Variants in DNAAF5 observed in about 807,000 individuals in gnomAD.
DNAAF5 encodes the protein HEAT repeat containing 2.
In DNAAF5, 64 loss-of-function variants were observed where a neutral mutation model predicts 75.8. The observed-to-expected ratio is 0.84, with a 90% CI of 0.69 to 1.04. The LOEUF (loss-of-function observed/expected upper bound fraction) is 1.04. DNAAF5 is among the 50% of genes least tolerant of loss of function. The probability of loss-of-function intolerance (pLI) is 0.00; values close to 1 mark genes in which losing one functional copy is unlikely to be tolerated. For synonymous variants in DNAAF5, 657 were observed against 557.2 expected (o/e 1.18, Z -2.52); for missense variants, 1,269 against 1,178.5 (o/e 1.08, Z -1.12).
chr7:736,247 C>A (rs963520664), intron 2 of DNAAF5, among the ~76,000 whole-genome samples: 1 of 152,142 alleles, frequency 6.6e-6, no homozygotes, highest in Non-Finnish European at 1.5e-5. Flanking sequence ...CAGATTAAGT[C>A]TGATGTTTCT....
intron 9 of DNAAF5, chr7:772,229 T>C (rs1250476646): frequency 6.6e-6 from 1 of 152,300 alleles, no homozygotes; most frequent in Non-Finnish European, 1.5e-5. Flanking sequence ...TTTCTGTGTC[T>C]TACCTGGGAC....
chr7:732,250 C>G (rs1781609180), intron 2 of DNAAF5, among the ~76,000 whole-genome samples: 1 of 152,226 alleles, frequency 6.6e-6, no homozygotes, highest in Non-Finnish European at 1.5e-5. Context: ...ATGCATCTCC[C>G]CACGCTCACA....
rs142683049 is a variant in DNAAF5, at chr7:748,525, C to T, written c.1025-6064C>T. ...TTCCGTGCTCTGGATGCAGGTCCCT[C>T]ATCAGACTGTTTTAGGCTCCACAGC... On this transcript the variant is annotated intron_variant, in intron 4 of 12. Transcript: ENST00000297440. Among the ~76,000 whole-genome samples the T allele has an allele frequency of 2.7e-3, 418 of 152,284 alleles. 4 individuals are homozygous for T. The highest frequency in any genetic ancestry group is 9.3e-3 in the African/African-American group (387 of 41,562).
intron 7 of DNAAF5, among the ~76,000 whole-genome samples, chr7:763,390 C>T (rs1191959798): frequency 6.6e-6 from 1 of 152,186 alleles, no homozygotes; most frequent in Non-Finnish European, 1.5e-5. Context: ...TCTCTGTCTG[C>T]CCAGTTACTT....
Position 754,617 on chromosome 7 carries a change from G to A in DNAAF5, c.1053G>A (p.Glu351=). The change falls in exon 5 of 13, where the codon GAG becomes GAA. Residue 351 remains glutamate, a synonymous_variant. Coordinates refer to ENST00000297440, the MANE Select transcript of DNAAF5 (RefSeq NM_017802.4). This position sits in a 1 kb window ranked among gnomAD's most constrained non-coding sequence, Gnocchi z 4.8. ...GCCGCCCTGTGCTGGGCTGCCGGGA[G>A]CTCGTCTTCAGGAACCTCTCCAAGA... ...HERRPVLGCR[E]LVFRNLSKIL... 1.2e-6 allele frequency: 2 copies of A among 1,614,106 alleles called. No individual in the cohort carries two copies. The highest frequency in any genetic ancestry group is 1.7e-6 in the Non-Finnish European group (2 of 1,179,984).
chr7:745,913 CAGTT>C (rs1404578996), intron 4 of DNAAF5, among the ~76,000 whole-genome samples: 5 of 152,342 alleles, frequency 3.3e-5, no homozygotes, highest in African/African-American at 7.2e-5. Context: ...TACAAAAACA[CAGTT>C]AGTTATCCGT....
Position 727,191 on chromosome 7 carries a change from C to T in DNAAF5, c.471C>T (p.Gly157=). Residue 157 remains glycine, a synonymous_variant, in exon 1 of 13, where the codon GGC becomes GGT. Coordinates refer to ENST00000297440, the MANE Select transcript of DNAAF5 (RefSeq NM_017802.4). ...TGGGCCTGGCCGTGGACCTGTGCGGCGCCGCGCTCGCGCCCCACCTGGACG... is the reference window on the plus strand; with the variant it reads ...TGGGCCTGGCCGTGGACCTGTGCGGTGCCGCGCTCGCGCCCCACCTGGACG... The part of the protein sequence containing the change: ...QLLGLAVDLC[G]AALAPHLDDA... The T allele has an allele frequency of 3.7e-6, 5 of 1,344,712 alleles. No homozygotes were observed. Among genetic ancestry groups the T allele is most frequent in the Non-Finnish European group, 4.8e-6 (5 of 1,044,218 alleles). 83.3% of individuals were successfully genotyped at this position (1,344,712 alleles called of 1,614,324 possible). A position where few individuals can be genotyped will look rare whatever the true frequency, so the allele number is the denominator to read the frequency against.
At chr7:775,461 G>T (rs568409234) in intron 11 of DNAAF5, among the ~76,000 whole-genome samples, 2 of 152,036 alleles carry the variant, frequency 1.3e-5, no homozygotes, top group South Asian at 4.1e-4. Flanking sequence ...CAGGAGGATC[G>T]CTTGAGCCCA....
At chr7:763,450 G>T (rs566811941) in intron 7 of DNAAF5, among the ~76,000 whole-genome samples, 1 of 152,198 alleles carries the variant, frequency 6.6e-6, no homozygotes, top group Admixed American at 6.5e-5. Flanking sequence ...CCACTTGCCC[G>T]CCCCTCTCTG....
In DNAAF5 at chr7:770,603, C is replaced by A; in HGVS notation, c.1916C>A (p.Thr639Asn). The A allele has an allele frequency of 6.2e-7, 1 of 1,613,628 alleles. No individual in the cohort carries two copies. The highest frequency in any genetic ancestry group is 8.5e-7 in the Non-Finnish European group (1 of 1,179,942). Residue 639 changes from threonine (T) to asparagine (N), a missense_variant, in exon 9 of 13, where the codon ACC (threonine) becomes AAC (asparagine). Thr to Asn is a moderately conservative substitution (Grantham distance 65). Transcript: ENST00000297440. The stretch of plus-strand genomic sequence containing the variant: ...ACCGTGCTGCTCAGAGCCACGGACA[C>A]CATCAACTCCCAGGGGTAGGTCCGG... ...LSTVLLRATD[T>N]INSQGQFPSY...
At chr7:729,888 A>G in intron 2 of DNAAF5, 41 bp downstream of exon 2, 1 of 1,596,398 alleles carries the variant, frequency 6.3e-7, no homozygotes, top group Non-Finnish European at 8.6e-7. Flanking sequence ...CCTCTCTCCA[A>G]CACAGGCGGG....
At chr7:737,519 T>G (rs1458278798) in intron 2 of DNAAF5, among the ~76,000 whole-genome samples, 1 of 152,240 alleles carries the variant, frequency 6.6e-6, no homozygotes, top group East Asian at 1.9e-4. Context: ...CCACTGAGTT[T>G]TATCCTTTTA....
intron 11 of DNAAF5, among the ~76,000 whole-genome samples, chr7:776,376 G>A (rs1157999453): frequency 6.6e-6 from 1 of 152,154 alleles, no homozygotes; most frequent in Non-Finnish European, 1.5e-5. Context: ...TTTGACTTCT[G>A]TTCAAGTTGG....
intron 2 of DNAAF5, among the ~76,000 whole-genome samples, chr7:731,704 G>A (rs928543806): frequency 6.6e-6 from 1 of 151,522 alleles, no homozygotes; most frequent in Non-Finnish European, 1.5e-5. Flanking sequence ...CTTTTAGCTC[G>A]TCAGCTATCA....
intron 4 of DNAAF5, among the ~76,000 whole-genome samples, chr7:746,273 C>CT (rs1432378941): frequency 3.9e-5 from 5 of 128,990 alleles, no homozygotes; most frequent in Non-Finnish European, 6.6e-5. Context: ...ACTGTCTTGC[C>CT]CCCCCCTGCC....
intron 10 of DNAAF5, among the ~76,000 whole-genome samples, 165 bp downstream of exon 10, chr7:774,363 G>T (rs1448134910): frequency 6.6e-6 from 1 of 152,222 alleles, no homozygotes; most frequent in Non-Finnish European, 1.5e-5. Context: ...GGAAGGGCAG[G>T]AGCCGGCGGC....
At chr7:762,000 A>AGCC in intron 7 of DNAAF5, 104 bp downstream of exon 7, 38 of 1,146,212 alleles carry the variant, frequency 3.3e-5, no homozygotes, top group Non-Finnish European at 4.4e-5. Flanking sequence ...TCTGTGCTTG[A>AGCC]CCAGCAAAGA....
At chr7:769,125 C>G (rs903152116) in intron 8 of DNAAF5, 6 of 764,428 alleles carry the variant, frequency 7.8e-6, no homozygotes, top group Non-Finnish European at 1.5e-5. Flanking sequence ...GGGTCTCAGT[C>G]CACTACCGAG....
At position 785,828 on chromosome 7, in the gene DNAAF5, T is replaced by C; in HGVS notation, c.*175T>C. ...GGAATAACAGCCTCTGAGTGGATTC[T>C]GCATGTTATGTGATTTGTTCTGTTC... On this transcript the variant is annotated 3_prime_UTR_variant, in exon 13 of 13. Transcript: ENST00000297440. The C allele has an allele frequency of 1.5e-6, 1 of 660,396 alleles. No individual in the cohort carries two copies. The highest frequency in any genetic ancestry group is 2.5e-6 in the Non-Finnish European group (1 of 398,596). The allele number at this position is 660,396 out of a possible 1,614,324, so 40.9% of individuals were successfully genotyped here. A position where few individuals can be genotyped will look rare whatever the true frequency, so the allele number is the denominator to read the frequency against.
Sources: gnomAD v4.1 joint callset for allele counts (sites outside exome capture counted in the v4.1 genomes callset) on GRCh38, gnomAD v4.1.1 for gene constraint, Gnocchi (gnomAD v3.1) non-coding constraint, MANE v1.5 for transcripts, NCBI Gene and HGNC (gene_info 2026-07-23, HGNC 2026-07-21) for gene names.